THSD7B: variants seen among roughly 807,000 people sequenced by gnomAD.
THSD7B encodes the protein thrombospondin type-1 domain-containing protein 7B.
In THSD7B, 138 loss-of-function variants were observed where a neutral mutation model predicts 213.6. The ratio of observed to expected loss-of-function variants is 0.65; its 90% CI spans 0.56 to 0.74. The LOEUF is 0.74. Among genes scored for constraint, THSD7B ranks in the 30% least tolerant of loss-of-function variants. THSD7B has a pLI of 0.00. For synonymous variants in THSD7B, 742 were observed against 687.0 expected, an observed-to-expected ratio of 1.08 and a Z score of -1.25; for missense variants, 1,931 against 1,991.5, an observed-to-expected ratio of 0.97 and a Z score of 0.58.
intron 6 of THSD7B, among the ~76,000 whole-genome samples, chr2:137,163,084 C>A (rs984144402): frequency 6.6e-6 from 1 of 152,100 alleles, no homozygotes; most frequent in African/African-American, 2.4e-5. Context: ...CCGGATAATT[C>A]GGAACTGGCC....
chr2:137,666,488 T>C (rs1041512185), intron 26 of THSD7B, among the ~76,000 whole-genome samples: 1 of 152,004 alleles, frequency 6.6e-6, no homozygotes, highest in Admixed American at 6.6e-5. Context: ...TGAAAGTAAT[T>C]GTGATTTTAT....
chr2:137,655,702 T>G (rs2104816494), intron 22 of THSD7B, 42 bp downstream of exon 22: 4 of 1,573,402 alleles, frequency 2.5e-6, no homozygotes, highest in Admixed American at 1.8e-5. Context: ...CATGGTGATC[T>G]TTTTGTTTAT....
At chr2:137,630,525 A>C (rs1187355775) in intron 20 of THSD7B, among the ~76,000 whole-genome samples, 1 of 152,208 alleles carries the variant, frequency 6.6e-6, no homozygotes, top group Non-Finnish European at 1.5e-5. Context: ...ATATTATTAA[A>C]ATAAGATAAT....
At chr2:137,494,652 T>C (rs888085552) in intron 15 of THSD7B, among the ~76,000 whole-genome samples, 6 of 152,178 alleles carry the variant, frequency 3.9e-5, no homozygotes, top group South Asian at 2.1e-4. Flanking sequence ...CTTACTCTTA[T>C]TGAATGTTTT....
chr2:137,649,409 G>A (rs974231484), intron 21 of THSD7B, among the ~76,000 whole-genome samples: 2 of 152,002 alleles, frequency 1.3e-5, no homozygotes, highest in Admixed American at 6.6e-5. Context: ...TCAAAATTTC[G>A]GTTCTTAGGT....
rs553938236 is a variant in THSD7B at position 137,149,266 on chromosome 2, C to T, written c.1370-10947C>T. Among the ~76,000 whole-genome samples the T allele has an allele frequency of 2.7e-4, 41 of 152,266 alleles. No homozygotes were observed. The South Asian group carries it at 8.5e-3, about 32-fold the overall frequency. On this transcript the variant is annotated intron_variant, in intron 5 of 27. Coordinates refer to ENST00000409968, the MANE Select transcript of THSD7B (RefSeq NM_001316349.2). Reference sequence around the variant, plus strand: ...AGATTTCAGAGGATATATGAGAATACCTGGATGTCCAGGCAGAAGTTTTCT... The same window carrying T: ...AGATTTCAGAGGATATATGAGAATATCTGGATGTCCAGGCAGAAGTTTTCT...
intron 20 of THSD7B, among the ~76,000 whole-genome samples, chr2:137,622,474 T>A (rs1682538847): frequency 6.6e-6 from 1 of 151,868 alleles, no homozygotes; most frequent in Admixed American, 6.6e-5. Context: ...ATAACTAAGA[T>A]CAGAGCAGAA....
chr2:137,069,770 T>A (rs1402602359), intron 3 of THSD7B, among the ~76,000 whole-genome samples: 1 of 151,774 alleles, frequency 6.6e-6, no homozygotes. Context: ...ACAACACAAG[T>A]CTTTTTCATA....
rs184883738 is a variant in THSD7B, at chr2:136,795,167, T to C, written c.-36+29480T>C. 1.1e-3 allele frequency among the ~76,000 whole-genome samples: 168 copies of C among 152,116 alleles called. 3 individuals are homozygous for C. The highest frequency in any genetic ancestry group is 9.6e-3 in the Admixed American group (147 of 15,264). ...TGAATTTTCTTACAGTTCTGGAGGTTAGGAGTCCAAAATGGCTCTCAGTGT... is the reference window on the plus strand; with the variant it reads ...TGAATTTTCTTACAGTTCTGGAGGTCAGGAGTCCAAAATGGCTCTCAGTGT... On this transcript the variant is annotated intron_variant, in intron 1 of 27. Transcript: ENST00000409968.
chr2:137,032,098 C>A (rs1686685831), intron 2 of THSD7B, among the ~76,000 whole-genome samples: 1 of 152,058 alleles, frequency 6.6e-6, no homozygotes, highest in Non-Finnish European at 1.5e-5. Context: ...ACCTCGGCCT[C>A]CCAAAATGCT....
chr2:136,928,870 T>C (rs1345947965), intron 2 of THSD7B, among the ~76,000 whole-genome samples: 1 of 152,008 alleles, frequency 6.6e-6, no homozygotes, highest in Non-Finnish European at 1.5e-5. Flanking sequence ...TATTGAAAAA[T>C]CACTTCCCTT....
At chr2:137,465,558 A>G (rs1687975903) in intron 15 of THSD7B, among the ~76,000 whole-genome samples, 1 of 152,132 alleles carries the variant, frequency 6.6e-6, no homozygotes, top group South Asian at 2.1e-4. Flanking sequence ...TCAATGAGGT[A>G]ACTGGGACTC....
intron 4 of THSD7B, among the ~76,000 whole-genome samples, chr2:137,101,558 A>G (rs1003018107): frequency 3.9e-5 from 6 of 152,158 alleles, no homozygotes; most frequent in Non-Finnish European, 7.4e-5. Flanking sequence ...CTCTCCTGGA[A>G]AGGGGGCTGA....
intron 10 of THSD7B, among the ~76,000 whole-genome samples, chr2:137,266,012 C>T (rs886897253): frequency 1.3e-5 from 2 of 152,204 alleles, no homozygotes. Flanking sequence ...CATTCATTGT[C>T]TGCTCCTAGA....
In THSD7B at chr2:137,587,370, T is replaced by G. The variant is rs184543982; in HGVS notation, c.3423+14814T>G. Reference sequence around the variant, plus strand: ...TATTATCCATCTAGCTTTGTTCCGTTGCTGGCGAGGGCCTGTGTTCCTTTG... The same window carrying G: ...TATTATCCATCTAGCTTTGTTCCGTGGCTGGCGAGGGCCTGTGTTCCTTTG... On this transcript the variant is annotated intron_variant, in intron 17 of 27. Transcript: ENST00000409968. Among the ~76,000 whole-genome samples, 76 of 152,338 alleles carry G rather than the reference T, an allele frequency of 5.0e-4. 1 individual carries two copies. The South Asian group carries it at 0.011, about 22-fold the overall frequency.
intron 2 of THSD7B, among the ~76,000 whole-genome samples, chr2:136,920,850 T>C (rs1684425345): frequency 6.6e-6 from 1 of 152,114 alleles, no homozygotes; most frequent in Non-Finnish European, 1.5e-5. Context: ...GGCTTATGCG[T>C]CAGTGCTGCC....
At chr2:137,155,948 C>T (rs920146092) in intron 5 of THSD7B, 3 of 152,150 alleles carry the variant, frequency 2.0e-5, no homozygotes, top group Non-Finnish European at 4.4e-5. Context: ...GAAGGATAGA[C>T]AGAGATGAGT....
At chr2:137,415,745 C>T (rs1350925515) in intron 14 of THSD7B, among the ~76,000 whole-genome samples, 3 of 148,072 alleles carry the variant, frequency 2.0e-5, no homozygotes, top group East Asian at 2.0e-4. Flanking sequence ...CTTTATCTCT[C>T]CCTGGCCCTG....
At chr2:137,654,229 G>C in intron 21 of THSD7B, among the ~76,000 whole-genome samples, 1 of 152,170 alleles carries the variant, frequency 6.6e-6, no homozygotes, top group South Asian at 2.1e-4. Context: ...AGGTCCCCAA[G>C]GGGATATCCC....
Sources: gnomAD v4.1 joint callset for allele counts (sites outside exome capture counted in the v4.1 genomes callset) on GRCh38, gnomAD v4.1.1 for gene constraint, MANE v1.5 for transcripts, NCBI Gene and HGNC (gene_info 2026-07-23, HGNC 2026-07-21) for gene names.